Variants in CFC1 observed in about 807,000 individuals in gnomAD.
CFC1 encodes cryptic protein.
For synonymous variants in CFC1, 8 were observed against 50.7 expected, an observed-to-expected ratio of 0.16 and a Z score of 3.58; for missense variants, 14 against 120.0, an observed-to-expected ratio of 0.12 and a Z score of 4.13.
At chr2:130,594,916 C>G (rs1393553765) in intron 5 of CFC1, among the ~76,000 whole-genome samples, 1 of 147,830 alleles carries the variant, frequency 6.8e-6, no homozygotes, top group Non-Finnish European at 1.5e-5. Context: ...TTGGTGATCC[C>G]CAGACAGAGA....
rs1207051560 is a variant in CFC1 at position 130,592,442 on chromosome 2, T to C, written c.*435A>G. On this transcript the variant is annotated 3_prime_UTR_variant, in exon 6 of 6. Transcript: ENST00000259216. ...TGTCGCCGGGCCTGGCGTCCTCAGC[T>C]AGTGGCGCACATCCCCCTGGACTGG... is the stretch of plus-strand genomic sequence containing the variant. 1 of 208,706 alleles carries C rather than the reference T, an allele frequency of 4.8e-6. No individual in the cohort carries two copies. Among genetic ancestry groups the C allele is most frequent in the Non-Finnish European group, 9.7e-6 (1 of 103,332 alleles). 12.9% of individuals were successfully genotyped at this position (208,706 alleles called of 1,614,324 possible). A position where few individuals can be genotyped will look rare whatever the true frequency, so the allele number is the denominator to read the frequency against.
chr2:130,596,455 C>A (rs1179313442), intron 5 of CFC1, among the ~76,000 whole-genome samples: 1 of 149,034 alleles, frequency 6.7e-6, no homozygotes, highest in Non-Finnish European at 1.5e-5. Context: ...GAGGCAGAGG[C>A]CCAGCAAAAG....
chr2:130,598,470 A>G (rs1379570696), intron 3 of CFC1, among the ~76,000 whole-genome samples, 172 bp downstream of exon 3: 1 of 151,168 alleles, frequency 6.6e-6, no homozygotes, highest in Non-Finnish European at 1.5e-5. Context: ...TTAACACCTC[A>G]CTAGGAACTG....
chr2:130,593,118 TC>T (rs1284202969), intron 5 of CFC1, 42 bp from the exon 6 acceptor site: 3 of 428,148 alleles, frequency 7.0e-6, no homozygotes, highest in Non-Finnish European at 1.3e-5. Context: ...AATAAAGTGT[TC>T]CGGCTCGGTT....
At chr2:130,593,435 G>A (rs1684873235) in intron 5 of CFC1, among the ~76,000 whole-genome samples, 1 of 152,246 alleles carries the variant, frequency 6.6e-6, no homozygotes, top group African/African-American at 2.4e-5. Context: ...ATTTAAAACA[G>A]TGCTATAGTA....
chr2:130,594,265 G>C (rs1436444255), intron 5 of CFC1, among the ~76,000 whole-genome samples: 1 of 148,258 alleles, frequency 6.7e-6, no homozygotes, highest in Non-Finnish European at 1.5e-5. Flanking sequence ...TTGTTCCAGG[G>C]GTGCCAGAAT....
Position 130,594,177 on chromosome 2 carries a change from G to A in CFC1, c.473-1101C>T, listed in dbSNP as rs192903257. On this transcript the variant is annotated intron_variant, in intron 5 of 5. Transcript: ENST00000259216. ...CTACACCTGTCCACAGGTAGGCTGTGGTAGCATTGGCCAGGTCAGGCTCAC... is the reference window on the plus strand; with the variant it reads ...CTACACCTGTCCACAGGTAGGCTGTAGTAGCATTGGCCAGGTCAGGCTCAC... Among the ~76,000 whole-genome samples the A allele has an allele frequency of 5.9e-5, 9 of 151,760 alleles. No homozygotes were observed. In the East Asian group the frequency reaches 1.3e-3, roughly 23 times the overall value.
At chr2:130,598,476 A>T (rs1340006395) in intron 3 of CFC1, among the ~76,000 whole-genome samples, 166 bp downstream of exon 3, 1 of 151,196 alleles carries the variant, frequency 6.6e-6, no homozygotes, top group Non-Finnish European at 1.5e-5. Flanking sequence ...CCTCACTAGG[A>T]ACTGTCTCTA....
rs764927904 is a variant in CFC1, at chr2:130,598,703, A to G, written c.186T>C (p.Thr62=). 6.2e-7 allele frequency: 1 copy of G among 1,613,436 alleles called. No homozygotes were observed. Among genetic ancestry groups the G allele is most frequent in the East Asian group, 2.2e-5 (1 of 44,896 alleles). ...CCGGCCCCCAGCCCTCGGCGCTCCC[A>G]GTCACCTCTCCGAAATGACTGGAGG... ...NWTSSHFGEV[T]GSAEGWGPEE... The change falls in exon 3 of 6, where the codon ACT becomes ACC. Residue 62 remains threonine (T), a synonymous_variant. Transcript: ENST00000259216.
intron 5 of CFC1, among the ~76,000 whole-genome samples, chr2:130,593,458 C>A (rs1160973991): frequency 2.0e-5 from 3 of 152,128 alleles, no homozygotes; most frequent in Non-Finnish European, 4.4e-5. Context: ...TAAATCAGCT[C>A]GCTTCCGTCT....
chr2:130,597,347 T>C (rs2105176204), intron 5 of CFC1, 147 bp downstream of exon 5: 1 of 20,846 alleles, frequency 4.8e-5, no homozygotes, highest in East Asian at 6.9e-4. Flanking sequence ...AATGCGACTT[T>C]CTTCAATGAT....
chr2:130,595,712 C>T (rs1298930816), intron 5 of CFC1, among the ~76,000 whole-genome samples: 213 of 150,796 alleles, frequency 1.4e-3, no homozygotes, highest in African/African-American at 4.6e-3. Flanking sequence ...CACCCCAGCC[C>T]GGGCGACAGA....
At chr2:130,595,809 C>G (rs1314659117) in intron 5 of CFC1, among the ~76,000 whole-genome samples, 1 of 147,856 alleles carries the variant, frequency 6.8e-6, no homozygotes, top group Non-Finnish European at 1.5e-5. Flanking sequence ...AGGAGTTGAT[C>G]TCTCTGTGTC....
chr2:130,595,641 G>A (rs1488886480), intron 5 of CFC1, among the ~76,000 whole-genome samples: 1 of 147,688 alleles, frequency 6.8e-6, no homozygotes, highest in Non-Finnish European at 1.5e-5. Flanking sequence ...AGGAAGCTGA[G>A]GCAGGAGAAT....
chr2:130,592,352 G>T lies in CFC1; in HGVS notation c.*525C>A. ...GATTTAAAAAGCTGAAGAGCTCAATGCAAGTGCCCTCTACCCGAAGTGTGT... is the reference window on the plus strand; with the variant it reads ...GATTTAAAAAGCTGAAGAGCTCAATTCAAGTGCCCTCTACCCGAAGTGTGT... On this transcript the variant is annotated 3_prime_UTR_variant, in exon 6 of 6. Transcript: ENST00000259216. 1 of 238,518 alleles carries T rather than the reference G, an allele frequency of 4.2e-6. No individual in the cohort carries two copies. The highest frequency in any genetic ancestry group is 6.4e-5 in the South Asian group (1 of 15,746). 14.8% of individuals were successfully genotyped at this position (238,518 alleles called of 1,614,324 possible).
intron 5 of CFC1, among the ~76,000 whole-genome samples, chr2:130,594,367 G>T (rs1239405630): frequency 6.9e-6 from 1 of 144,476 alleles, no homozygotes; most frequent in Non-Finnish European, 1.5e-5. Flanking sequence ...AGCTATTCAG[G>T]TGAGAAAGGG....
rs545082632 is a variant in CFC1, at chr2:130,594,531, G to A, written c.473-1455C>T. Among the ~76,000 whole-genome samples the A allele has an allele frequency of 6.7e-5, 9 of 134,942 alleles. No individual in the cohort carries two copies. The South Asian group carries it at 1.9e-3, about 29-fold the overall frequency. 88.5% of individuals were successfully genotyped at this position (134,942 alleles called of 152,430 possible). ...CCCAGAGGTCTGTAGACTGGGTCTG[G>A]CCCACGGATGTTTGTTTGCTTGTTG... is the stretch of plus-strand genomic sequence containing the variant. On this transcript the variant is annotated intron_variant, in intron 5 of 5. Coordinates refer to ENST00000259216, the MANE Select transcript of CFC1 (RefSeq NM_032545.4).
chr2:130,594,309 C>T (rs1214526535), intron 5 of CFC1, among the ~76,000 whole-genome samples: 4 of 147,670 alleles, frequency 2.7e-5, no homozygotes, highest in East Asian at 1.9e-4. Flanking sequence ...TAGGCTCAGA[C>T]GAGGCTCCAG....
chr2:130,596,925 T>C (rs1350865753), intron 5 of CFC1, among the ~76,000 whole-genome samples: 4 of 148,204 alleles, frequency 2.7e-5, no homozygotes, highest in African/African-American at 1.1e-4. Context: ...CAGGTGTGCC[T>C]CTGGACACTG....
Sources: gnomAD v4.1 joint callset for allele counts (sites outside exome capture counted in the v4.1 genomes callset) on GRCh38, gnomAD v4.1.1 for gene constraint, MANE v1.5 for transcripts, NCBI Gene and HGNC (gene_info 2026-07-23, HGNC 2026-07-21) for gene names.